Variants in SPATA2L observed in about 807,000 individuals in gnomAD.
The protein encoded by SPATA2L is spermatogenesis associated 2 like.
Under a neutral mutation model 8.7 loss-of-function variants are expected in SPATA2L, and 5 were observed. The observed-to-expected ratio is 0.57, with a 90% confidence interval of 0.30 to 1.21. The LOEUF (loss-of-function observed/expected upper bound fraction) is 1.21, where lower values mean the gene tolerates loss of function less well. SPATA2L is among the 50% of genes most tolerant of loss of function. The pLI, the probability that SPATA2L is intolerant of heterozygous loss-of-function variation, is 0.07. For synonymous variants in SPATA2L, 358 were observed against 275.8 expected, an observed-to-expected ratio of 1.30 and a Z score of -2.95; for missense variants, 671 against 591.0, an observed-to-expected ratio of 1.14 and a Z score of -1.40.
In SPATA2L at chr16:89,696,798, G is replaced by T; in HGVS notation, c.*536C>A. 1.3e-6 allele frequency: 2 copies of T among 1,534,324 alleles called. No individual in the cohort carries two copies. Among genetic ancestry groups the T allele is most frequent in the Admixed American group, 3.9e-5 (2 of 50,876 alleles). ...CAGCTGCTGTGACACCCAAGGGGAGGGCCGGCGTCCCCGAAGCCAGGTCAG... is the reference window on the plus strand; with the variant it reads ...CAGCTGCTGTGACACCCAAGGGGAGTGCCGGCGTCCCCGAAGCCAGGTCAG... On this transcript the variant is annotated 3_prime_UTR_variant, in exon 3 of 3. Transcript: ENST00000289805.
intron 2 of SPATA2L, among the ~76,000 whole-genome samples, 159 bp from the exon 3 acceptor site, chr16:89,698,464 A>C (rs1428108462): frequency 6.9e-6 from 1 of 145,102 alleles, no homozygotes; most frequent in African/African-American, 2.6e-5. Flanking sequence ...AGGCCCAAAC[A>C]TGATGATTTC....
intron 2 of SPATA2L, among the ~76,000 whole-genome samples, chr16:89,699,290 C>T (rs1243299986): frequency 1.3e-5 from 2 of 152,212 alleles, no homozygotes; most frequent in African/African-American, 2.4e-5. Context: ...ATTTCGTTTG[C>T]TCCTCGTATG....
intron 2 of SPATA2L, among the ~76,000 whole-genome samples, chr16:89,699,740 CG>C (rs2060763243): frequency 6.6e-6 from 1 of 152,208 alleles, no homozygotes; most frequent in South Asian, 2.1e-4. Context: ...TTAATAGAGA[CG>C]GGGTTTCACC....
chr16:89,698,474 C>G (rs927577728), intron 2 of SPATA2L, among the ~76,000 whole-genome samples, 169 bp from the exon 3 acceptor site: 2 of 54,110 alleles, frequency 3.7e-5, no homozygotes, highest in African/African-American at 1.4e-4. Flanking sequence ...ATGATGATTT[C>G]TTTTTTTTTT....
At chr16:89,698,603 C>T (rs912981386) in intron 2 of SPATA2L, among the ~76,000 whole-genome samples, 2 of 146,458 alleles carry the variant, frequency 1.4e-5, no homozygotes, top group African/African-American at 5.0e-5. Flanking sequence ...TCCCCTGCCT[C>T]AGCCTCCCGG....
intron 2 of SPATA2L, 85 bp from the exon 3 acceptor site, chr16:89,698,390 C>T (rs536990571): frequency 4.9e-6 from 7 of 1,436,290 alleles, no homozygotes; most frequent in African/African-American, 1.5e-5. Flanking sequence ...TCTGTTGGCT[C>T]AGGCCTTGGC....
In SPATA2L at chr16:89,700,921, G is replaced by T; in HGVS notation, c.303+9C>A. 1 of 1,444,622 alleles carries T rather than the reference G, an allele frequency of 6.9e-7. No homozygotes were observed. The allele number at this position is 1,444,622 out of a possible 1,614,324, so 89.5% of individuals were successfully genotyped here. On this transcript the variant is annotated intron_variant, in intron 2 of 2. Coordinates refer to ENST00000289805, the MANE Select transcript of SPATA2L (RefSeq NM_152339.4). ...ACGAGGGGCGCGCTCCTCCTGGCCT[G>T]GCGCCTACCTTGATGGTGGTGAACT...
rs1355708793 is a variant in SPATA2L at position 89,697,703 on chromosome 16, A to G, written c.906T>C (p.Pro302=). 17 of 1,612,062 alleles carry G rather than the reference A, an allele frequency of 1.1e-5. No individual in the cohort carries two copies. The highest frequency in any genetic ancestry group is 5.0e-5 in the Admixed American group (3 of 59,930). Residue 302 remains proline, a synonymous_variant, in exon 3 of 3, where the codon CCT becomes CCC. Coordinates refer to ENST00000289805, the MANE Select transcript of SPATA2L (RefSeq NM_152339.4). ...PYGALEEGLE[P]EPSAFSFLSL... ...AGAGGAAGGAGAAGGCGGAAGGTTCAGGTTCCAGCCCCTCCTCCAAGGCCC... is the reference window on the plus strand; with the variant it reads ...AGAGGAAGGAGAAGGCGGAAGGTTCGGGTTCCAGCCCCTCCTCCAAGGCCC...
chr16:89,701,104 G>A lies in SPATA2L; in HGVS notation c.129C>T (p.Phe43=), dbSNP rs1426153735. ...AVLWQILVED[F]DLHGALQDDA... is the part of the protein sequence containing the mutation. ...CGTCCTGCAGCGCCCCGTGCAGGTC[G>A]AAGTCCTCCACCAGGATCTGCCAGA... Residue 43 remains phenylalanine (F), a synonymous_variant, in exon 2 of 3, where the codon TTC becomes TTT. Transcript: ENST00000289805. 1.9e-6 allele frequency: 3 copies of A among 1,562,516 alleles called. No homozygotes were observed. Among genetic ancestry groups the A allele is most frequent in the African/African-American group, 2.7e-5 (2 of 72,824 alleles).
intron 2 of SPATA2L, among the ~76,000 whole-genome samples, chr16:89,699,633 C>G (rs2060762506): frequency 6.6e-6 from 1 of 152,010 alleles, no homozygotes; most frequent in Non-Finnish European, 1.5e-5. Context: ...TCACTACAAC[C>G]TCCACCTCCC....
Position 89,697,541 on chromosome 16 carries a change from C to T in SPATA2L, c.1068G>A (p.Gln356=). 1 of 1,591,464 alleles carries T rather than the reference C, an allele frequency of 6.3e-7. No homozygotes were observed. The highest frequency in any genetic ancestry group is 8.5e-7 in the Non-Finnish European group (1 of 1,169,690). ...YRSVSEPPGY[Q]AHSCLSPGAL... ...CGCCAGGGGACAGGCAGCTGTGTGCCTGGTAGCCTGGGGGCTCCGAGACAG... is the reference window on the plus strand; with the variant it reads ...CGCCAGGGGACAGGCAGCTGTGTGCTTGGTAGCCTGGGGGCTCCGAGACAG... Residue 356 remains glutamine, a synonymous_variant, in exon 3 of 3, where the codon CAG becomes CAA. Transcript: ENST00000289805.
Position 89,700,998 on chromosome 16 carries a change from C to G in SPATA2L, c.235G>C (p.Glu79Gln). The G allele has an allele frequency of 6.4e-7, 1 of 1,565,514 alleles. No individual in the cohort carries two copies. Among genetic ancestry groups the G allele is most frequent in the African/African-American group, 1.4e-5 (1 of 72,514 alleles). The change falls in exon 2 of 3, where the codon GAG (glutamate) becomes CAG (glutamine). Residue 79 changes from glutamate (E) to glutamine (Q), a missense_variant. Coordinates refer to ENST00000289805, the MANE Select transcript of SPATA2L (RefSeq NM_152339.4). ...PALRGLARAF[E>Q]LLELAAVHLY... ...TGCACCGCGGCGAGCTCCAGAAGCT[C>G]GAAGGCGCGAGCCAGGCCGCGTAGC...
rs2060740054 is a variant in SPATA2L, at chr16:89,697,475, A to G, written c.1134T>C (p.His378=). 5 of 1,603,260 alleles carry G rather than the reference A, an allele frequency of 3.1e-6. No individual in the cohort carries two copies. Among genetic ancestry groups the G allele is most frequent in the African/African-American group, 2.7e-5 (2 of 74,786 alleles). Residue 378 remains histidine (H), a synonymous_variant, in exon 3 of 3, where the codon CAT becomes CAC. Transcript: ENST00000289805. ...TLCCDTCRQL[H]AAHCAALPAC... ...CGGGCAGGGCTGCACAGTGGGCAGC[A>G]TGCAGCTGGCGACAGGTGTCGCAGC...
chr16:89,698,108 C>G lies in SPATA2L; in HGVS notation c.501G>C (p.Glu167Asp). The G allele has an allele frequency of 1.2e-6, 2 of 1,605,314 alleles. No individual in the cohort carries two copies. Among genetic ancestry groups the G allele is most frequent in the Non-Finnish European group, 1.7e-6 (2 of 1,177,432 alleles). ...ALRLECEILG[E>D]VLAQLGTSVL... is the part of the protein sequence containing the mutation. Reference sequence around the variant, plus strand: ...CACTGGTGCCCAGCTGGGCCAGCACCTCACCCAGGATCTCACACTCCAGCC... The same window carrying G: ...CACTGGTGCCCAGCTGGGCCAGCACGTCACCCAGGATCTCACACTCCAGCC... The change falls in exon 3 of 3, where the codon GAG becomes GAC. Residue 167 changes from glutamate (E) to aspartate (D), a missense_variant. Physicochemically the swap from Glu to Asp is conservative, Grantham distance 45. Transcript: ENST00000289805.
rs1281138034 is a variant in SPATA2L at position 89,696,570 on chromosome 16, G to A, written c.*764C>T. 2.0e-6 allele frequency: 1 copy of A among 496,672 alleles called. No homozygotes were observed. The highest frequency in any genetic ancestry group is 3.3e-5 in the East Asian group (1 of 30,434). 30.8% of individuals were successfully genotyped at this position (496,672 alleles called of 1,614,324 possible). ...GCACCTCCTCGCCAGCCTGTGGGCT[G>A]CACCCACAGGGAATGGAGGGGAGGG... is the stretch of plus-strand genomic sequence containing the variant. On this transcript the variant is annotated 3_prime_UTR_variant, in exon 3 of 3. Transcript: ENST00000289805.
rs200289983 is a variant in SPATA2L, at chr16:89,697,967, G to T, written c.642C>A (p.Pro214=). 3.5e-5 allele frequency: 56 copies of T among 1,605,240 alleles called. No individual in the cohort carries two copies. In the African/African-American group the frequency reaches 5.3e-4, roughly 15 times the overall value. The part of the protein sequence containing the change: ...AQDEEPPPLP[P]RGSPAAYRAP... ...CCCTGTAAGCAGCAGGGGAGCCTCGGGGGGGCAGGGGTGGCGGCTCCTCAT... is the reference window on the plus strand; with the variant it reads ...CCCTGTAAGCAGCAGGGGAGCCTCGTGGGGGCAGGGGTGGCGGCTCCTCAT... Residue 214 remains proline, a synonymous_variant, in exon 3 of 3, where the codon CCC becomes CCA. Coordinates refer to ENST00000289805, the MANE Select transcript of SPATA2L (RefSeq NM_152339.4).
At chr16:89,700,206 C>T (rs758019911) in intron 2 of SPATA2L, among the ~76,000 whole-genome samples, 1 of 152,226 alleles carries the variant, frequency 6.6e-6, no homozygotes, top group Non-Finnish European at 1.5e-5. Flanking sequence ...CCTGGGAGGC[C>T]TCAAGGGCGG....
rs1360153036 is a variant in SPATA2L at position 89,701,218 on chromosome 16, C to G, written c.15G>C (p.Ser5=). The G allele has an allele frequency of 2.8e-6, 4 of 1,438,688 alleles. No homozygotes were observed. The highest frequency in any genetic ancestry group is 3.7e-6 in the Non-Finnish European group (4 of 1,095,846). 89.1% of individuals were successfully genotyped at this position (1,438,688 alleles called of 1,614,324 possible). MGSS[S]LSEDYRQCLE... ...GGCACTGGCGGTAGTCCTCGGACAG[C>G]GAGCTGCTGCCCATCCTGCGGCGGA... The change falls in exon 2 of 3, where the codon TCG becomes TCC. Residue 5 remains serine, a synonymous_variant. Transcript: ENST00000289805.
rs559885896 is a variant in SPATA2L, at chr16:89,697,066, T to C, written c.*268A>G. On this transcript the variant is annotated 3_prime_UTR_variant, in exon 3 of 3. Transcript: ENST00000289805. ...CTGGCTGGAACAGGCTGGACCCCTC[T>C]ACCCAGCACATGTGGGCATGCGTCT... 7.2e-7 allele frequency: 1 copy of C among 1,392,694 alleles called. No individual in the cohort carries two copies. The highest frequency in any genetic ancestry group is 9.3e-7 in the Non-Finnish European group (1 of 1,075,372). The allele number at this position is 1,392,694 out of a possible 1,614,324, so 86.3% of individuals were successfully genotyped here. A position where few individuals can be genotyped will look rare whatever the true frequency, so the allele number is the denominator to read the frequency against.
Sources: allele counts gnomAD v4.1 joint callset (sites outside exome capture counted in the v4.1 genomes callset), GRCh38; gene constraint gnomAD v4.1.1; transcripts MANE v1.5; gene names NCBI Gene and HGNC (gene_info 2026-07-23, HGNC 2026-07-21).